The following CD163L1 variants were observed in gnomAD, a reference collection of about 807,000 sequenced individuals.
CD163L1 encodes scavenger receptor cysteine-rich type 1 protein M160.
A neutral mutation model predicts 165.4 loss-of-function variants in CD163L1; 124 were observed. That is an observed-to-expected ratio of 0.75 (90% CI 0.65 to 0.87). CD163L1 has a LOEUF of 0.87. Ranked by LOEUF, CD163L1 falls within the 40% of genes least tolerant of loss-of-function variation. The pLI, the probability that CD163L1 is intolerant of heterozygous loss-of-function variation, is 0.00. For synonymous variants in CD163L1, 585 were observed against 662.2 expected (o/e 0.88, Z 1.79); for missense variants, 1,525 against 1,799.9 (o/e 0.85, Z 2.76).
At chr12:7,319,149 T>C in the CD163L1 span, among the ~76,000 whole-genome samples, 3 of 152,148 alleles carry the variant, frequency 2.0e-5, no homozygotes, top group African/African-American at 4.8e-5. Flanking sequence ...TGATGGGAGA[T>C]AGTGACAGAT....
downstream of CD163L1, among the ~76,000 whole-genome samples, chr12:7,343,725 C>T (rs1343058877): frequency 1.3e-5 from 2 of 152,156 alleles, no homozygotes; most frequent in Non-Finnish European, 1.5e-5. Context: ...GGATTACATT[C>T]CAATATGATA....
intron 8 of CD163L1, among the ~76,000 whole-genome samples, chr12:7,395,451 G>C (rs1213126655): frequency 1.3e-5 from 2 of 152,162 alleles, no homozygotes; most frequent in Non-Finnish European, 2.9e-5. Context: ...TCGGTTGGTG[G>C]GGGACTGGGG....
chr12:7,328,434 C>A, the CD163L1 span: 6 of 1,263,754 alleles, frequency 4.7e-6, no homozygotes, highest in Non-Finnish European at 6.5e-6. Flanking sequence ...GTATTTGTTC[C>A]GATAATTCAG....
downstream of CD163L1, among the ~76,000 whole-genome samples, chr12:7,351,077 C>T (rs12228197): frequency 1.5e-4 from 23 of 152,032 alleles, no homozygotes; most frequent in Admixed American, 1.4e-3. Flanking sequence ...ATGCATTGAA[C>T]TTAATTGTCA....
downstream of CD163L1, among the ~76,000 whole-genome samples, chr12:7,352,713 T>TA (rs1946715839): frequency 1.3e-5 from 2 of 151,648 alleles, no homozygotes. Context: ...AAAACAAGAA[T>TA]AAAAAACTCA....
intron 4 of CD163L1, among the ~76,000 whole-genome samples, chr12:7,417,082 C>G (rs967468519): frequency 6.6e-6 from 1 of 152,026 alleles, no homozygotes; most frequent in African/African-American, 2.4e-5. Flanking sequence ...TGTGTCCTCT[C>G]TTATTTCCTT....
At chr12:7,430,230 A>G in intron 4 of CD163L1, among the ~76,000 whole-genome samples, 1 of 152,196 alleles carries the variant, frequency 6.6e-6, no homozygotes, top group East Asian at 1.9e-4. Context: ...AGAAGAAAAA[A>G]TAGAAGAAAT....
At position 7,374,371 on chromosome 12, in the gene CD163L1, A is replaced by T; in HGVS notation, c.3409+71T>A. 6.8e-7 allele frequency: 1 copy of T among 1,463,614 alleles called. No homozygotes were observed. The highest frequency in any genetic ancestry group is 9.2e-7 in the Non-Finnish European group (1 of 1,084,720). The allele number at this position is 1,463,614 out of a possible 1,614,324, so 90.7% of individuals were successfully genotyped here. ...GGCCATACACTTTTCACTACACTTT[A>T]CAATTGTGTTGTGTGTGTGCAAGTG... On this transcript the variant is annotated intron_variant, in intron 13 of 19. Transcript: ENST00000313599. This position sits in a 1 kb window ranked among gnomAD's most constrained non-coding sequence, Gnocchi z 5.4.
At position 7,374,467 on chromosome 12, in the gene CD163L1, C is replaced by CTTGT; in HGVS notation, c.3380_3383dup (p.Glu1129GlnfsTer19). 6.2e-7 allele frequency: 1 copy of CTTGT among 1,613,724 alleles called. No homozygotes were observed. On this transcript the variant is annotated frameshift_variant, in exon 13 of 20. Transcript: ENST00000313599. LOFTEE classifies it high-confidence loss of function. The surrounding 1 kb of genome is among the most constrained non-coding windows in gnomAD (Gnocchi z 5.4). ...CTGAGCAGATGACCCCTGCGTCCTCCTTGTGCCTGCAGTCGTGCTGCCCCC... is the reference window on the plus strand; with the variant it reads ...CTGAGCAGATGACCCCTGCGTCCTCCTTGTTTGTGCCTGCAGTCGTGCTGCCCCC...
intron 5 of CD163L1, among the ~76,000 whole-genome samples, chr12:7,404,979 A>C (rs1947988850): frequency 6.6e-6 from 1 of 152,144 alleles, no homozygotes; most frequent in African/African-American, 2.4e-5. Flanking sequence ...TTTGGGAAAA[A>C]AAAATCCTCT....
rs747724230 is a variant in CD163L1, at chr12:7,367,340, G to T, written c.4184-9C>A. On this transcript the variant is annotated splice_polypyrimidine_tract_variant and intron_variant, in intron 17 of 19. Transcript: ENST00000313599. ...CCTCCTTCTGGTTGAAACTGAGAAT[G>T]GATGCTTCATGGTTAGGATTCAAAT... 1 of 1,582,366 alleles carries T rather than the reference G, an allele frequency of 6.3e-7. No homozygotes were observed. The highest frequency in any genetic ancestry group is 1.1e-5 in the South Asian group (1 of 90,212).
chr12:7,396,526 G>T, intron 7 of CD163L1, 111 bp from the exon 8 acceptor site: 1 of 1,007,908 alleles, frequency 9.9e-7, no homozygotes, highest in Non-Finnish European at 1.4e-6. Context: ...AGTCTAGATG[G>T]TGCTGTGAAG....
At chr12:7,332,662 A>G in the CD163L1 span, among the ~76,000 whole-genome samples, 40 of 151,946 alleles carry the variant, frequency 2.6e-4, no homozygotes, top group Admixed American at 7.2e-4. Context: ...TTCAACCCAG[A>G]ATTTCATATC....
Position 7,433,614 on chromosome 12 carries a change from A to G in CD163L1, c.205T>C (p.Trp69Arg). ...GTVEVKFQGQ[W>R]GTVCDDGWNT... ...CACCCATCATCACACACAGTCCCCC[A>G]CTGTCCCTGGAATTTCACCTCCACT... The change falls in exon 3 of 20, where the codon TGG (tryptophan) becomes CGG (arginine). Residue 69 changes from tryptophan (W) to arginine (R), a missense_variant. Trp to Arg is a moderately radical substitution (Grantham distance 101). Coordinates refer to ENST00000313599, the MANE Select transcript of CD163L1 (RefSeq NM_174941.6). 2 of 1,614,064 alleles carry G rather than the reference A, an allele frequency of 1.2e-6. No individual in the cohort carries two copies. The highest frequency in any genetic ancestry group is 1.7e-6 in the Non-Finnish European group (2 of 1,179,982).
chr12:7,328,199 T>A, the CD163L1 span: 1 of 985,372 alleles, frequency 1.0e-6, no homozygotes, highest in Non-Finnish European at 1.5e-6. Context: ...TAAAATTCAG[T>A]CTGAGTTCCA....
At chr12:7,394,774 G>T (rs181154211) in intron 8 of CD163L1, among the ~76,000 whole-genome samples, 322 of 152,190 alleles carry the variant, frequency 2.1e-3, no homozygotes, top group African/African-American at 7.4e-3. Flanking sequence ...CCATCAAAAA[G>T]TAGGCAAAGG....
chr12:7,410,810 A>G (rs1035884315), intron 4 of CD163L1, among the ~76,000 whole-genome samples: 84 of 151,600 alleles, frequency 5.5e-4, no homozygotes, highest in African/African-American at 1.8e-3. Flanking sequence ...AGCCTAGGCG[A>G]CAGAGCGAGA....
At chr12:7,333,304 T>A in the CD163L1 span, among the ~76,000 whole-genome samples, 1 of 152,176 alleles carries the variant, frequency 6.6e-6, no homozygotes, top group Non-Finnish European at 1.5e-5. Context: ...CAGACCACAG[T>A]GCAATCAAAC....
intron 4 of CD163L1, among the ~76,000 whole-genome samples, chr12:7,426,542 G>C (rs1402340591): frequency 2.0e-5 from 3 of 152,040 alleles, no homozygotes; most frequent in African/African-American, 7.2e-5. Flanking sequence ...ACTACACATT[G>C]GATACAGTGT....
Sources: allele counts gnomAD v4.1 joint callset (sites outside exome capture counted in the v4.1 genomes callset), GRCh38; gene constraint gnomAD v4.1.1; non-coding constraint Gnocchi (gnomAD v3.1); transcripts MANE v1.5; gene names NCBI Gene and HGNC (gene_info 2026-07-23, HGNC 2026-07-21).